TAFA4: variants seen among roughly 807,000 people sequenced by gnomAD.
TAFA4 encodes chemokine-like protein TAFA-4.
A neutral mutation model predicts 21.1 loss-of-function variants in TAFA4; 20 were observed. The observed-to-expected ratio is 0.95, with a 90% CI of 0.67 to 1.38. TAFA4 has a LOEUF of 1.38. TAFA4 is among the 40% of genes most tolerant of loss of function. TAFA4 has a pLI of 0.00. For synonymous variants in TAFA4, 71 were observed against 67.4 expected, an observed-to-expected ratio of 1.05 and a Z score of -0.26; for missense variants, 211 against 180.9, an observed-to-expected ratio of 1.17 and a Z score of -0.95.
chr3:68,894,915 C>T (rs185990145), intron 1 of TAFA4, among the ~76,000 whole-genome samples: 1 of 152,146 alleles, frequency 6.6e-6, no homozygotes. Context: ...AGTGCAATGG[C>T]GTGGTCTCCG....
chr3:68,744,819 C>T (rs1702427975), intron 4 of TAFA4, among the ~76,000 whole-genome samples: 1 of 152,182 alleles, frequency 6.6e-6, no homozygotes, highest in South Asian at 2.1e-4. Context: ...ATGAGATTAT[C>T]TACCAGGTTT....
chr3:68,751,206 T>C (rs541821418), intron 4 of TAFA4, among the ~76,000 whole-genome samples: 97 of 152,324 alleles, frequency 6.4e-4, no homozygotes, highest in African/African-American at 2.3e-3. Flanking sequence ...ACACAGATCT[T>C]GCAGGGCTCG....
In TAFA4 at chr3:68,923,783, C is replaced by T. The variant is rs574167601; in HGVS notation, c.-123+8457G>A. Among the ~76,000 whole-genome samples the T allele has an allele frequency of 3.3e-5, 5 of 152,224 alleles. No individual in the cohort carries two copies. The South Asian group carries it at 8.3e-4, about 25-fold the overall frequency. ...GTTATTTACCTCTTCTTCCCAACCA[C>T]GCCTGGGCCATATGCATGAGGAGTT... On this transcript the variant is annotated intron_variant, in intron 1 of 5. Coordinates refer to ENST00000295569, the MANE Select transcript of TAFA4 (RefSeq NM_182522.5).
At chr3:68,919,981 T>A (rs9843171) in intron 1 of TAFA4, among the ~76,000 whole-genome samples, 1 of 151,960 alleles carries the variant, frequency 6.6e-6, no homozygotes, top group Non-Finnish European at 1.5e-5. Flanking sequence ...TACCAAGAGA[T>A]TGTAATTATG....
At chr3:68,777,172 A>G (rs1175358836) in intron 3 of TAFA4, among the ~76,000 whole-genome samples, 4 of 152,222 alleles carry the variant, frequency 2.6e-5, no homozygotes, top group African/African-American at 7.2e-5. Flanking sequence ...TCTTCATACT[A>G]TAACTGTCTA....
intron 2 of TAFA4, among the ~76,000 whole-genome samples, chr3:68,883,791 T>C (rs1262841976): frequency 6.6e-6 from 1 of 152,094 alleles, no homozygotes; most frequent in African/African-American, 2.4e-5. Flanking sequence ...GATCTGGCCA[T>C]GCATGGTGGC....
At chr3:68,781,730 G>A (rs1294963732) in intron 3 of TAFA4, among the ~76,000 whole-genome samples, 1 of 152,066 alleles carries the variant, frequency 6.6e-6, no homozygotes, top group Non-Finnish European at 1.5e-5. Flanking sequence ...CCAGAAAAAG[G>A]AATAGGAGGG....
chr3:68,733,401 T>C (rs1378962192), intron 5 of TAFA4, among the ~76,000 whole-genome samples: 2 of 152,188 alleles, frequency 1.3e-5, no homozygotes, highest in Admixed American at 6.5e-5. Context: ...TTTGTGAGGT[T>C]ATAAAAATCC....
intron 3 of TAFA4, among the ~76,000 whole-genome samples, chr3:68,845,622 T>G (rs971205589): frequency 2.0e-5 from 3 of 152,218 alleles, no homozygotes; most frequent in African/African-American, 7.2e-5. Context: ...GTCAATGGTC[T>G]TTACAATTTG....
At chr3:68,749,239 G>A (rs1293686916) in intron 4 of TAFA4, among the ~76,000 whole-genome samples, 1 of 152,094 alleles carries the variant, frequency 6.6e-6, no homozygotes, top group Non-Finnish European at 1.5e-5. Context: ...TATAATCTAT[G>A]GTTTTATAGA....
chr3:68,841,680 A>G (rs1157929060), intron 3 of TAFA4, among the ~76,000 whole-genome samples: 2 of 151,894 alleles, frequency 1.3e-5, no homozygotes, highest in Admixed American at 1.3e-4. Context: ...TATTTCTCCA[A>G]TACTATCCCT....
chr3:68,833,709 C>T (rs1704454304), intron 3 of TAFA4, among the ~76,000 whole-genome samples: 1 of 152,000 alleles, frequency 6.6e-6, no homozygotes, highest in Non-Finnish European at 1.5e-5. Context: ...AACTGACATC[C>T]ACTCTTAGCC....
At chr3:68,737,557 C>G (rs1031745950) in intron 5 of TAFA4, among the ~76,000 whole-genome samples, 1 of 152,090 alleles carries the variant, frequency 6.6e-6, no homozygotes, top group Non-Finnish European at 1.5e-5. Context: ...GACAACTATT[C>G]CATTGATAAT....
chr3:68,875,980 TAAAG>T (rs1448051642), intron 3 of TAFA4, among the ~76,000 whole-genome samples: 1 of 150,078 alleles, frequency 6.7e-6, no homozygotes. Flanking sequence ...TTAAGTGAAA[TAAAG>T]AGAGATAAAA....
intron 4 of TAFA4, among the ~76,000 whole-genome samples, chr3:68,746,232 G>T (rs1702456220): frequency 6.6e-6 from 1 of 152,080 alleles, no homozygotes. Context: ...TCTAGGACTG[G>T]CTTCCCGGCT....
chr3:68,912,143 C>T (rs986361266), intron 1 of TAFA4, among the ~76,000 whole-genome samples: 2 of 152,146 alleles, frequency 1.3e-5, no homozygotes, highest in Admixed American at 6.5e-5. Context: ...CTGTATCCCA[C>T]GAAAGAGGAG....
intron 3 of TAFA4, among the ~76,000 whole-genome samples, chr3:68,835,397 T>G (rs187517467): frequency 2.6e-5 from 4 of 152,334 alleles, no homozygotes; most frequent in African/African-American, 4.8e-5. Context: ...ATGTACCTGA[T>G]GCACAGTCAG....
chr3:68,762,253 TG>T (rs983136610), intron 3 of TAFA4, among the ~76,000 whole-genome samples: 12 of 151,098 alleles, frequency 7.9e-5, no homozygotes, highest in African/African-American at 2.9e-4. Flanking sequence ...TTGATTGGAA[TG>T]GGTTGGAGAG....
intron 1 of TAFA4, among the ~76,000 whole-genome samples, chr3:68,897,399 G>A (rs1011169181): frequency 6.9e-6 from 1 of 144,002 alleles, no homozygotes; most frequent in African/African-American, 2.5e-5. Flanking sequence ...GGCCAAGGGG[G>A]GCAGACACCT....
Sources: allele counts gnomAD v4.1 joint callset (sites outside exome capture counted in the v4.1 genomes callset), GRCh38; gene constraint gnomAD v4.1.1; transcripts MANE v1.5; gene names NCBI Gene and HGNC (gene_info 2026-07-23, HGNC 2026-07-21).